The following TRAPPC9 variants were observed in gnomAD, a reference collection of about 807,000 sequenced individuals.
The protein encoded by TRAPPC9 is trafficking protein particle complex subunit 9, also known as IKK2 binding protein.
In TRAPPC9, 83 loss-of-function variants were observed where a neutral mutation model predicts 124.0. The observed-to-expected ratio is 0.67, with a 90% CI of 0.56 to 0.80. The LOEUF (loss-of-function observed/expected upper bound fraction) is 0.80, where lower values mean the gene tolerates loss of function less well. Among genes scored for constraint, TRAPPC9 ranks in the 30% least tolerant of loss-of-function variants. The pLI, the probability that TRAPPC9 is intolerant of heterozygous loss-of-function variation, is 0.00. For synonymous variants in TRAPPC9, 638 were observed against 617.5 expected (o/e 1.03, Z -0.49); for missense variants, 1,302 against 1,508.3 (o/e 0.86, Z 2.27).
At chr8:139,917,911 G>A (rs1486167625) in intron 19 of TRAPPC9, among the ~76,000 whole-genome samples, 1 of 152,194 alleles carries the variant, frequency 6.6e-6, no homozygotes, top group Non-Finnish European at 1.5e-5. Flanking sequence ...CACTCCCACA[G>A]CCAGCTGTGG....
chr8:139,812,232 A>G (rs1006125418), intron 21 of TRAPPC9, among the ~76,000 whole-genome samples: 1 of 152,232 alleles, frequency 6.6e-6, no homozygotes, highest in Non-Finnish European at 1.5e-5. Flanking sequence ...AAGCAAAAAA[A>G]ACTGTTTAAG....
chr8:140,225,502 T>A (rs1440315653), intron 16 of TRAPPC9, among the ~76,000 whole-genome samples: 4 of 152,192 alleles, frequency 2.6e-5, no homozygotes, highest in African/African-American at 9.7e-5. Context: ...TTCTCTCTTT[T>A]TTCTCATTTC....
chr8:140,393,025 CATTTTATTTTTATTTT>C (rs1453152629), intron 7 of TRAPPC9, among the ~76,000 whole-genome samples: 2 of 117,974 alleles, frequency 1.7e-5, no homozygotes, highest in African/African-American at 3.1e-5. Flanking sequence ...TTATCATTCC[CATTTTATTTTTATTTT>C]ATTTTATTTT....
At chr8:139,809,551 C>T (rs930514235) in intron 21 of TRAPPC9, among the ~76,000 whole-genome samples, 1 of 152,220 alleles carries the variant, frequency 6.6e-6, no homozygotes, top group African/African-American at 2.4e-5. Flanking sequence ...CTCTGTCCCA[C>T]AGCAGGGCCT....
chr8:140,381,022 T>C (rs2068590939), intron 7 of TRAPPC9, among the ~76,000 whole-genome samples: 1 of 151,706 alleles, frequency 6.6e-6, no homozygotes, highest in Non-Finnish European at 1.5e-5. Flanking sequence ...CTGGCCAACA[T>C]TATGAAACCC....
At chr8:140,019,778 C>T (rs1456516375) in intron 18 of TRAPPC9, among the ~76,000 whole-genome samples, 2 of 151,990 alleles carry the variant, frequency 1.3e-5, no homozygotes, top group Non-Finnish European at 2.9e-5. Context: ...TTTCAAACTC[C>T]TGACCTCAGG....
At chr8:139,771,383 C>T (rs369971303) in intron 21 of TRAPPC9, among the ~76,000 whole-genome samples, 3 of 152,142 alleles carry the variant, frequency 2.0e-5, no homozygotes, top group Non-Finnish European at 2.9e-5. Flanking sequence ...CCCAGGACGC[C>T]GGATCCCATG....
At chr8:140,019,916 C>T (rs749439522) in intron 18 of TRAPPC9, among the ~76,000 whole-genome samples, 3 of 152,044 alleles carry the variant, frequency 2.0e-5, no homozygotes, top group Non-Finnish European at 2.9e-5. Context: ...TGCAGTGGCA[C>T]GATCGTAGGT....
intron 17 of TRAPPC9, among the ~76,000 whole-genome samples, chr8:140,101,868 C>CT (rs113276860): frequency 0.084 from 12,176 of 145,716 alleles, 553 homozygotes; most frequent in Middle Eastern, 0.13. Context: ...TTGTTTTTTC[C>CT]TTTTTTTTTT....
chr8:140,404,448 A>C (rs2069399897), intron 6 of TRAPPC9, among the ~76,000 whole-genome samples: 1 of 152,174 alleles, frequency 6.6e-6, no homozygotes, highest in African/African-American at 2.4e-5. Flanking sequence ...GTCTCACAAA[A>C]TGTCTTGATG....
At chr8:140,165,176 C>G (rs1283588526) in intron 17 of TRAPPC9, among the ~76,000 whole-genome samples, 5 of 152,050 alleles carry the variant, frequency 3.3e-5, no homozygotes, top group African/African-American at 4.8e-5. Flanking sequence ...AACCCCGTCT[C>G]TACTAAATAT....
chr8:140,272,127 TGGC>T (rs756242118), intron 15 of TRAPPC9, among the ~76,000 whole-genome samples: 130 of 117,548 alleles, frequency 1.1e-3, no homozygotes, highest in Middle Eastern at 4.3e-3. Context: ...ATGGTGATGG[TGGC>T]GATGGTGATG....
intron 21 of TRAPPC9, among the ~76,000 whole-genome samples, chr8:139,837,570 C>G (rs1273730155): frequency 6.6e-6 from 1 of 152,202 alleles, no homozygotes; most frequent in Non-Finnish European, 1.5e-5. Flanking sequence ...TCTGCTCTCA[C>G]TGGGTGGCCT....
chr8:139,783,562 C>T (rs911073221), intron 21 of TRAPPC9, among the ~76,000 whole-genome samples: 1 of 152,060 alleles, frequency 6.6e-6, no homozygotes, highest in South Asian at 2.1e-4. Flanking sequence ...ACTTCAGGTC[C>T]CGATTATTTT....
chr8:140,455,227 G>A (rs895942296), intron 1 of TRAPPC9, among the ~76,000 whole-genome samples: 15 of 152,136 alleles, frequency 9.9e-5, no homozygotes, highest in Admixed American at 4.6e-4. Context: ...CTGCCTCCCA[G>A]GTTCAAGCGA....
intron 17 of TRAPPC9, among the ~76,000 whole-genome samples, chr8:140,117,411 A>G (rs2130573359): frequency 2.6e-5 from 4 of 152,340 alleles, no homozygotes; most frequent in Admixed American, 2.6e-4. Context: ...TCAAGGCTTT[A>G]GCAGGTGATG....
At chr8:140,376,798 C>T (rs1017624302) in intron 7 of TRAPPC9, among the ~76,000 whole-genome samples, 1 of 149,770 alleles carries the variant, frequency 6.7e-6, no homozygotes, top group African/African-American at 2.5e-5. Flanking sequence ...ATCACTTGAA[C>T]CTGGGAGGTG....
intron 8 of TRAPPC9, among the ~76,000 whole-genome samples, chr8:140,360,511 T>C (rs1396631133): frequency 6.6e-6 from 1 of 152,204 alleles, no homozygotes; most frequent in East Asian, 1.9e-4. Flanking sequence ...GCTAGAGACA[T>C]ACTTTTTTTC....
At position 139,873,505 on chromosome 8, in the gene TRAPPC9, C is replaced by T. The variant is rs185958716; in HGVS notation, c.3055+12374G>A. ...CAACTGCTCCCTGCACTTGCTCTCCCTCAGTGCCATGCCCTGCTCAGGAGG... is the reference window on the plus strand; with the variant it reads ...CAACTGCTCCCTGCACTTGCTCTCCTTCAGTGCCATGCCCTGCTCAGGAGG... On this transcript the variant is annotated intron_variant, in intron 21 of 22. Transcript: ENST00000438773. 3.6e-3 allele frequency among the ~76,000 whole-genome samples: 554 copies of T among 152,262 alleles called. 3 individuals carry two copies. Among genetic ancestry groups the T allele is most frequent in the Non-Finnish European group, 5.3e-3 (359 of 68,014 alleles).
Sources: allele counts gnomAD v4.1 joint callset (sites outside exome capture counted in the v4.1 genomes callset), GRCh38; gene constraint gnomAD v4.1.1; transcripts MANE v1.5; gene names NCBI Gene and HGNC (gene_info 2026-07-23, HGNC 2026-07-21).